PPP2R2C: variants seen among roughly 807,000 people sequenced by gnomAD.
PPP2R2C encodes protein phosphatase 2, regulatory subunit B, gamma.
In PPP2R2C, 10 loss-of-function variants were observed where a neutral mutation model predicts 45.3. The observed-to-expected ratio is 0.22, with a 90% confidence interval of 0.14 to 0.37. The LOEUF (loss-of-function observed/expected upper bound fraction) is 0.37. Among genes scored for constraint, PPP2R2C ranks in the 10% least tolerant of loss-of-function variants. The pLI is 1.00. For synonymous variants in PPP2R2C, 257 were observed against 245.4 expected (o/e 1.05, Z -0.44); for missense variants, 308 against 619.7 (o/e 0.50, Z 5.34).
At chr4:6,552,571 A>T (rs180858904) in intron 1 of PPP2R2C, among the ~76,000 whole-genome samples, 1 of 149,226 alleles carries the variant, frequency 6.7e-6, no homozygotes, top group African/African-American at 2.5e-5. Flanking sequence ...GTGTCATCCC[A>T]TCTCCTTCTC....
chr4:6,562,398 T>C (rs1560624297), intron 1 of PPP2R2C, among the ~76,000 whole-genome samples: 1 of 150,136 alleles, frequency 6.7e-6, no homozygotes, highest in East Asian at 2.0e-4. Flanking sequence ...TCGGGCAAGT[T>C]ACTTAACTTC....
intron 5 of PPP2R2C, among the ~76,000 whole-genome samples, chr4:6,372,184 G>C (rs935080732): frequency 3.9e-5 from 6 of 152,256 alleles, no homozygotes. Context: ...AGTGGACGCT[G>C]AGCAAGGCCA....
chr4:6,452,601 T>G, intron 1 of PPP2R2C, among the ~76,000 whole-genome samples: 1 of 152,220 alleles, frequency 6.6e-6, no homozygotes, highest in East Asian at 1.9e-4. Flanking sequence ...ACCCCTAGGC[T>G]TTCAGCCGCT....
chr4:6,445,605 G>A (rs1265169881), intron 1 of PPP2R2C, among the ~76,000 whole-genome samples: 1 of 152,250 alleles, frequency 6.6e-6, no homozygotes, highest in Non-Finnish European at 1.5e-5. Context: ...TGTAATGCCA[G>A]CACTCTGGGA....
chr4:6,337,980 T>C (rs2109193898), intron 6 of PPP2R2C, among the ~76,000 whole-genome samples: 1 of 152,160 alleles, frequency 6.6e-6, no homozygotes, highest in East Asian at 1.9e-4. Flanking sequence ...CAAAAGATAG[T>C]GGAATCTACT....
chr4:6,333,366 G>A (rs975964719), intron 7 of PPP2R2C, among the ~76,000 whole-genome samples, 196 bp downstream of exon 7: 1 of 152,248 alleles, frequency 6.6e-6, no homozygotes, highest in African/African-American at 2.4e-5. Flanking sequence ...AAAGCTCCCT[G>A]TGAGGCAAGA....
At chr4:6,504,665 A>T (rs1307057166) in intron 2 of PPP2R2C, among the ~76,000 whole-genome samples, 2 of 152,262 alleles carry the variant, frequency 1.3e-5, no homozygotes, top group Non-Finnish European at 2.9e-5. Flanking sequence ...CTGAAATTTT[A>T]AAAATTCACT....
intron 1 of PPP2R2C, among the ~76,000 whole-genome samples, chr4:6,397,138 C>T (rs1717092822): frequency 6.6e-6 from 1 of 152,256 alleles, no homozygotes; most frequent in Non-Finnish European, 1.5e-5. Context: ...CTCATACAGC[C>T]ACAAGGGCAC....
chr4:6,323,880 G>A (rs934206314), intron 8 of PPP2R2C, among the ~76,000 whole-genome samples: 4 of 151,806 alleles, frequency 2.6e-5, no homozygotes, highest in African/African-American at 9.7e-5. Context: ...GGGAGGCAGA[G>A]ACTGCAGTGA....
At chr4:6,337,108 G>GTATATA (rs1245832072) in intron 6 of PPP2R2C, among the ~76,000 whole-genome samples, 1 of 33,236 alleles carries the variant, frequency 3.0e-5, no homozygotes, top group African/African-American at 7.7e-5. Context: ...CTGTATGTGT[G>GTATATA]TGTGTATATA....
chr4:6,514,543 C>T (rs1222586807), intron 2 of PPP2R2C, among the ~76,000 whole-genome samples: 2 of 150,790 alleles, frequency 1.3e-5, no homozygotes, highest in Non-Finnish European at 2.9e-5. Flanking sequence ...GGACTCACCT[C>T]CCACAGGCTC....
At chr4:6,496,805 G>C (rs923297993) in intron 2 of PPP2R2C, among the ~76,000 whole-genome samples, 50 of 152,030 alleles carry the variant, frequency 3.3e-4, no homozygotes, top group African/African-American at 1.2e-3. Flanking sequence ...AGGTTGCAGT[G>C]AGCCGAGATT....
intron 2 of PPP2R2C, among the ~76,000 whole-genome samples, chr4:6,526,416 G>C (rs1271546486): frequency 6.6e-6 from 1 of 152,228 alleles, no homozygotes; most frequent in East Asian, 1.9e-4. Flanking sequence ...CAATTCTTCA[G>C]CTGACAAGTT....
rs34210845 is a variant in PPP2R2C, at chr4:6,411,554, C to CTTT, written c.71-30463_71-30461dup. Among the ~76,000 whole-genome samples, 612 of 136,252 alleles carry CTTT rather than the reference C, an allele frequency of 4.5e-3. 15 individuals are homozygous for CTTT. The East Asian group carries it at 0.068, about 15-fold the overall frequency. 89.4% of individuals were successfully genotyped at this position (136,252 alleles called of 152,430 possible). A position where few individuals can be genotyped will look rare whatever the true frequency, so the allele number is the denominator to read the frequency against. ...TGTACTCCACCCTGACTTTTCATTT[C>CTTT]TTTTTTTTTTTTTTTTGAGAGGGAG... On this transcript the variant is annotated intron_variant, in intron 1 of 8. Transcript: ENST00000382599.
chr4:6,549,371 GAC>G (rs1725104280), intron 1 of PPP2R2C, among the ~76,000 whole-genome samples: 1 of 152,106 alleles, frequency 6.6e-6, no homozygotes, highest in African/African-American at 2.4e-5. Context: ...TGGATCCAGT[GAC>G]AGACAACTCC....
intron 1 of PPP2R2C, among the ~76,000 whole-genome samples, chr4:6,558,160 C>T (rs886373554): frequency 6.6e-6 from 1 of 152,220 alleles, no homozygotes; most frequent in Non-Finnish European, 1.5e-5. Flanking sequence ...TGATCGCATC[C>T]CAACACCGAG....
intron 1 of PPP2R2C, chr4:6,383,875 C>A (rs1420433128): frequency 1.0e-6 from 1 of 993,932 alleles, no homozygotes; most frequent in Non-Finnish European, 1.2e-6. Context: ...CCTTTTAGGA[C>A]AGCTCCTGGC....
At chr4:6,430,407 C>T (rs1719548687) in intron 1 of PPP2R2C, among the ~76,000 whole-genome samples, 2 of 152,270 alleles carry the variant, frequency 1.3e-5, no homozygotes, top group African/African-American at 4.8e-5. Flanking sequence ...CAGCGAGAAG[C>T]CAAAGGGGAC....
chr4:6,414,302 G>T (rs1421322927), intron 1 of PPP2R2C, among the ~76,000 whole-genome samples: 1 of 152,104 alleles, frequency 6.6e-6, no homozygotes, highest in African/African-American at 2.4e-5. Flanking sequence ...TGTACGAAAG[G>T]AACCAGTTCC....
Sources: gnomAD v4.1 joint callset for allele counts (sites outside exome capture counted in the v4.1 genomes callset) on GRCh38, gnomAD v4.1.1 for gene constraint, MANE v1.5 for transcripts, NCBI Gene and HGNC (gene_info 2026-07-23, HGNC 2026-07-21) for gene names.